The following IRAG1 variants were observed in gnomAD, a reference collection of about 807,000 sequenced individuals.
IRAG1 encodes inositol 1,4,5-triphosphate receptor associated 1, also known as IP3R-associated cGMP kinase substrate.
IRAG1 carries 62 observed loss-of-function variants against 106.2 expected under a neutral mutation model. The observed-to-expected ratio is 0.58, with a 90% CI of 0.48 to 0.72. The LOEUF is 0.72. Among genes scored for constraint, IRAG1 ranks in the 30% least tolerant of loss-of-function variants. The pLI is 0.00. For synonymous variants in IRAG1, 462 were observed against 443.9 expected, an observed-to-expected ratio of 1.04 and a Z score of -0.51; for missense variants, 1,064 against 1,140.7, an observed-to-expected ratio of 0.93 and a Z score of 0.97.
chr11:10,593,567 C>G lies in IRAG1; in HGVS notation c.2100G>C (p.Val700=). 1 of 1,613,790 alleles carries G rather than the reference C, an allele frequency of 6.2e-7. No individual in the cohort carries two copies. Among genetic ancestry groups the G allele is most frequent in the Non-Finnish European group, 8.5e-7 (1 of 1,179,790 alleles). ...NMPRRRVSVA[V]VPKFNALNLP... is the part of the protein sequence containing the mutation. ...GATTCAGGGCATTAAACTTAGGAACCACAGCAACGCTGACCCTCCGGCGAG... is the reference window on the plus strand; with the variant it reads ...GATTCAGGGCATTAAACTTAGGAACGACAGCAACGCTGACCCTCCGGCGAG... The change falls in exon 17 of 21, where the codon GTG becomes GTC. Residue 700 remains valine, a synonymous_variant. Coordinates refer to ENST00000423302, the MANE Select transcript of IRAG1 (RefSeq NM_130385.4).
chr11:10,690,850 C>T (rs1007827504), intron 1 of IRAG1, among the ~76,000 whole-genome samples: 4 of 152,186 alleles, frequency 2.6e-5, no homozygotes, highest in Non-Finnish European at 5.9e-5. Context: ...AATTTTCTCC[C>T]GTTTCCTTTT....
At position 10,628,576 on chromosome 11, in the gene IRAG1, C is replaced by T. The variant is rs1856445540; in HGVS notation, c.652+175G>A. Among the ~76,000 whole-genome samples the T allele has an allele frequency of 6.6e-6, 1 of 152,042 alleles. No individual in the cohort carries two copies. The highest frequency in any genetic ancestry group is 1.5e-5 in the Non-Finnish European group (1 of 68,032). ...CTAACAGAAAGTCTATCTGCCTCCT[C>T]TGGGTGGCCCAGCAAATGCCCCCCC... On this transcript the variant is annotated intron_variant, in intron 6 of 20. Coordinates refer to ENST00000423302, the MANE Select transcript of IRAG1 (RefSeq NM_130385.4). This position sits in a 1 kb window ranked among gnomAD's most constrained non-coding sequence, Gnocchi z 4.1.
At chr11:10,606,363 C>G (rs912074744) in intron 12 of IRAG1, among the ~76,000 whole-genome samples, 6 of 152,188 alleles carry the variant, frequency 3.9e-5, no homozygotes, top group Non-Finnish European at 5.9e-5. Context: ...CCCTTTCCCA[C>G]TAAACTAAAG....
At chr11:10,666,030 C>A (rs1200326671) in intron 1 of IRAG1, among the ~76,000 whole-genome samples, 1 of 152,138 alleles carries the variant, frequency 6.6e-6, no homozygotes, top group Non-Finnish European at 1.5e-5. Context: ...GATTAGAGGC[C>A]CATGTATTTC....
At chr11:10,610,132 CT>C (rs1336070055) in intron 10 of IRAG1, among the ~76,000 whole-genome samples, 1 of 152,218 alleles carries the variant, frequency 6.6e-6, no homozygotes, top group Non-Finnish European at 1.5e-5. Flanking sequence ...ATGTTATGTT[CT>C]TCCCTTTGCT....
intron 11 of IRAG1, among the ~76,000 whole-genome samples, chr11:10,606,981 C>T (rs778159843): frequency 2.0e-5 from 3 of 152,154 alleles, no homozygotes; most frequent in Admixed American, 1.3e-4. Flanking sequence ...TGACTTTGGA[C>T]AAGTTATTTA....
chr11:10,577,596 G>A (rs1289411611), intron 20 of IRAG1, among the ~76,000 whole-genome samples: 1 of 152,200 alleles, frequency 6.6e-6, no homozygotes, highest in Non-Finnish European at 1.5e-5. Flanking sequence ...GAAAGTGATA[G>A]AAGTGCTTTC....
intron 1 of IRAG1, among the ~76,000 whole-genome samples, chr11:10,653,024 G>A (rs922924192): frequency 1.3e-5 from 2 of 152,076 alleles, no homozygotes; most frequent in African/African-American, 4.8e-5. Flanking sequence ...TGCTGATTGG[G>A]ACTGCAATCA....
chr11:10,683,360 C>T (rs61890435), intron 1 of IRAG1, among the ~76,000 whole-genome samples: 1 of 139,144 alleles, frequency 7.2e-6, no homozygotes, highest in Non-Finnish European at 1.5e-5. Context: ...AAGGTTTGTG[C>T]CAAAAAAAAA....
intron 1 of IRAG1, among the ~76,000 whole-genome samples, chr11:10,662,990 A>G (rs115874843): frequency 3.2e-4 from 48 of 152,326 alleles, no homozygotes; most frequent in African/African-American, 1.2e-3. Flanking sequence ...AATCTGAGCC[A>G]ACGGCCTCTT....
chr11:10,614,673 C>G (rs978244637), intron 10 of IRAG1, among the ~76,000 whole-genome samples: 4 of 152,106 alleles, frequency 2.6e-5, no homozygotes, highest in African/African-American at 9.7e-5. Context: ...ACAAACCTGA[C>G]AAAAACAAGA....
At chr11:10,608,531 T>C (rs962909372) in intron 11 of IRAG1, among the ~76,000 whole-genome samples, 1 of 152,130 alleles carries the variant, frequency 6.6e-6, no homozygotes, top group African/African-American at 2.4e-5. Context: ...GTATGTCTGG[T>C]GTCTGATGCA....
chr11:10,603,097 G>T, intron 14 of IRAG1, 23 bp downstream of exon 14: 1 of 1,602,854 alleles, frequency 6.2e-7, no homozygotes, highest in South Asian at 1.1e-5. Context: ...GAGTTGGCAA[G>T]ACCGGGGGCT....
chr11:10,627,636 G>T, intron 8 of IRAG1, 80 bp downstream of exon 8: 1 of 1,517,448 alleles, frequency 6.6e-7, no homozygotes, highest in South Asian at 1.1e-5. Flanking sequence ...CTTGAAGGCT[G>T]CCCAGGAGCC....
At position 10,665,843 on chromosome 11, in the gene IRAG1, TAAAGTA is replaced by T. The variant is rs750481197; in HGVS notation, c.68-13667_68-13662del. Among the ~76,000 whole-genome samples the T allele has an allele frequency of 2.0e-5, 3 of 152,102 alleles. No homozygotes were observed. The highest frequency in any genetic ancestry group is 4.4e-5 in the Non-Finnish European group (3 of 68,024). On this transcript the variant is annotated intron_variant, in intron 1 of 20. Coordinates refer to ENST00000423302, the MANE Select transcript of IRAG1 (RefSeq NM_130385.4). The surrounding 1 kb of genome is among the most constrained non-coding windows in gnomAD (Gnocchi z 4.2). ...GGTGTGTACACAAGAAGACACGTGA[TAAAGTA>T]AAAGTGAGCAGTCCCTTGGTTATCC...
At chr11:10,605,817 A>G (rs1266096888) in intron 12 of IRAG1, among the ~76,000 whole-genome samples, 1 of 152,248 alleles carries the variant, frequency 6.6e-6, no homozygotes, top group Non-Finnish European at 1.5e-5. Flanking sequence ...AAGTCTATGA[A>G]TAATGCTCAA....
At chr11:10,606,630 C>T in intron 12 of IRAG1, 112 bp downstream of exon 12, 1 of 1,119,358 alleles carries the variant, frequency 8.9e-7, no homozygotes, top group South Asian at 1.6e-5. Context: ...CACAGTCACT[C>T]TTTCTCATTT....
intron 1 of IRAG1, among the ~76,000 whole-genome samples, chr11:10,669,837 G>T (rs1210208435): frequency 2.0e-5 from 3 of 152,178 alleles, no homozygotes; most frequent in Admixed American, 6.5e-5. Context: ...GGATTGAACT[G>T]ACTTTTATTG....
At chr11:10,579,961 T>C (rs1214986209) in intron 20 of IRAG1, among the ~76,000 whole-genome samples, 1 of 152,254 alleles carries the variant, frequency 6.6e-6, no homozygotes, top group Non-Finnish European at 1.5e-5. Context: ...GGTAGGCACC[T>C]GCTGGAGACT....
Sources: allele counts gnomAD v4.1 joint callset (sites outside exome capture counted in the v4.1 genomes callset), GRCh38; gene constraint gnomAD v4.1.1; non-coding constraint Gnocchi (gnomAD v3.1); transcripts MANE v1.5; gene names NCBI Gene and HGNC (gene_info 2026-07-23, HGNC 2026-07-21).